KCND2: variants seen among roughly 807,000 people sequenced by gnomAD.
KCND2 encodes A-type voltage-gated potassium channel KCND2.
In KCND2, 16 loss-of-function variants were observed where a neutral mutation model predicts 54.4. The ratio of observed to expected loss-of-function variants is 0.29; its 90% CI spans 0.20 to 0.45. The LOEUF (loss-of-function observed/expected upper bound fraction) is 0.45. KCND2 is among the 20% of genes least tolerant of loss of function. The pLI is 1.00. For missense variants in KCND2, 486 were observed against 824.2 expected, an observed-to-expected ratio of 0.59 and a Z score of 5.02; for synonymous variants, 317 against 310.7, an observed-to-expected ratio of 1.02 and a Z score of -0.21.
Position 120,750,002 on chromosome 7 carries a change from G to T in KCND2, c.*2144G>T, listed in dbSNP as rs1286779967. The T allele has an allele frequency of 6.6e-6, 1 of 151,740 alleles. No individual in the cohort carries two copies. The highest frequency in any genetic ancestry group is 1.5e-5 in the Non-Finnish European group (1 of 67,806). The allele number at this position is 151,740 out of a possible 1,614,324, so 9.4% of individuals were successfully genotyped here. Reference sequence around the variant, plus strand: ...TTAGGTTATTTCAATTGACAATTCTGCCTCCTCTTTTGATTTATCACTTAC... The same window carrying T: ...TTAGGTTATTTCAATTGACAATTCTTCCTCCTCTTTTGATTTATCACTTAC... On this transcript the variant is annotated 3_prime_UTR_variant, in exon 6 of 6. Transcript: ENST00000331113.
intron 1 of KCND2, among the ~76,000 whole-genome samples, chr7:120,648,756 T>C (rs909845684): frequency 2.6e-5 from 4 of 152,234 alleles, no homozygotes; most frequent in African/African-American, 9.6e-5. Context: ...ACTATGAATC[T>C]AGTCAACTAC....
chr7:120,426,559 G>T lies in KCND2; in HGVS notation c.1115+150812G>T, dbSNP rs57315261. On this transcript the variant is annotated intron_variant, in intron 1 of 5. Transcript: ENST00000331113. ...CCCTTTGGAGACTGTTGTAAAAGCC[G>T]ATGTACGTTTTTTGTGGGGTTTTTC... is the stretch of plus-strand genomic sequence containing the variant. 1.4e-3 allele frequency among the ~76,000 whole-genome samples: 210 copies of T among 150,266 alleles called. 1 individual carries two copies. Among genetic ancestry groups the T allele is most frequent in the African/African-American group, 5.0e-3 (207 of 41,072 alleles).
At chr7:120,687,764 C>A (rs1255515692) in intron 1 of KCND2, among the ~76,000 whole-genome samples, 1 of 152,096 alleles carries the variant, frequency 6.6e-6, no homozygotes, top group Admixed American at 6.5e-5. Flanking sequence ...TAATACTAAT[C>A]AAACTAATAA....
intron 1 of KCND2, among the ~76,000 whole-genome samples, chr7:120,722,221 C>T (rs1017889253): frequency 6.6e-6 from 1 of 152,170 alleles, no homozygotes. Context: ...TCCAAGCTGG[C>T]CCTGTGCTTC....
chr7:120,294,869 C>A (rs1799486391), intron 1 of KCND2, among the ~76,000 whole-genome samples: 1 of 151,646 alleles, frequency 6.6e-6, no homozygotes, highest in Admixed American at 6.6e-5. Context: ...TGTACACATA[C>A]ATATGTGTGT....
chr7:120,285,071 AC>A (rs1799320765), intron 1 of KCND2, among the ~76,000 whole-genome samples: 1 of 152,138 alleles, frequency 6.6e-6, no homozygotes, highest in South Asian at 2.1e-4. Flanking sequence ...TTTTACTGTG[AC>A]CTTTTTGAGC....
At chr7:120,689,282 G>T (rs77806209) in intron 1 of KCND2, among the ~76,000 whole-genome samples, 12,215 of 152,100 alleles carry the variant, frequency 0.08, 896 homozygotes, top group East Asian at 0.42. Flanking sequence ...GGAAATAGTG[G>T]CATTGTTTTC....
chr7:120,375,902 A>C (rs1800829841), intron 1 of KCND2, among the ~76,000 whole-genome samples: 1 of 151,800 alleles, frequency 6.6e-6, no homozygotes, highest in Non-Finnish European at 1.5e-5. Flanking sequence ...GTGGGAAAAT[A>C]ATCCTATAAG....
intron 1 of KCND2, among the ~76,000 whole-genome samples, chr7:120,378,594 A>T (rs192516877): frequency 9.4e-4 from 143 of 152,106 alleles, no homozygotes; most frequent in Admixed American, 3.4e-3. Context: ...GATATTTGAG[A>T]TAATCGGTAT....
chr7:120,391,043 A>G (rs1430230907), intron 1 of KCND2, among the ~76,000 whole-genome samples: 1 of 151,896 alleles, frequency 6.6e-6, no homozygotes, highest in Non-Finnish European at 1.5e-5. Flanking sequence ...GATTAGGTAT[A>G]TGTCCTAAAG....
intron 1 of KCND2, among the ~76,000 whole-genome samples, chr7:120,584,076 C>G (rs1405977261): frequency 6.6e-6 from 1 of 152,120 alleles, no homozygotes; most frequent in Non-Finnish European, 1.5e-5. Context: ...TTTTTATTCC[C>G]TTGAGAAATT....
At chr7:120,619,007 GT>G (rs1793064807) in intron 1 of KCND2, among the ~76,000 whole-genome samples, 1 of 152,134 alleles carries the variant, frequency 6.6e-6, no homozygotes, top group African/African-American at 2.4e-5. Flanking sequence ...ACTTGCCTAA[GT>G]AATTCTAGAA....
At chr7:120,364,658 A>G (rs1800641506) in intron 1 of KCND2, among the ~76,000 whole-genome samples, 1 of 152,104 alleles carries the variant, frequency 6.6e-6, no homozygotes, top group African/African-American at 2.4e-5. Flanking sequence ...GACAGACATT[A>G]TCTAAGAGGA....
intron 1 of KCND2, among the ~76,000 whole-genome samples, chr7:120,519,228 G>T (rs1393880844): frequency 1.3e-5 from 2 of 151,986 alleles, no homozygotes; most frequent in African/African-American, 4.8e-5. Flanking sequence ...TGTAATCATA[G>T]CTACTTGGAG....
intron 1 of KCND2, among the ~76,000 whole-genome samples, chr7:120,571,179 G>A (rs1179463948): frequency 6.6e-6 from 1 of 152,138 alleles, no homozygotes; most frequent in Non-Finnish European, 1.5e-5. Flanking sequence ...CATGTCCCCA[G>A]ACATCTGTTC....
chr7:120,651,726 C>A (rs754010314), intron 1 of KCND2, among the ~76,000 whole-genome samples: 1 of 152,194 alleles, frequency 6.6e-6, no homozygotes, highest in South Asian at 2.1e-4. Context: ...GGGCTGTAGA[C>A]TGGAGCTGTT....
intron 1 of KCND2, among the ~76,000 whole-genome samples, chr7:120,557,401 A>AAATAAGAC (rs550815223): frequency 2.7e-4 from 41 of 152,288 alleles, no homozygotes; most frequent in Admixed American, 1.1e-3. Context: ...TAGATAGAAG[A>AAATAAGAC]AATAAGACCT....
intron 1 of KCND2, among the ~76,000 whole-genome samples, chr7:120,283,039 T>C (rs1391123857): frequency 6.6e-6 from 1 of 152,168 alleles, no homozygotes; most frequent in African/African-American, 2.4e-5. Context: ...CTATTTTGCA[T>C]AGGGGACAAA....
chr7:120,628,535 T>C (rs1793189404), intron 1 of KCND2, among the ~76,000 whole-genome samples: 1 of 152,198 alleles, frequency 6.6e-6, no homozygotes, highest in African/African-American at 2.4e-5. Context: ...TGATTGCTTC[T>C]CCATGTGAAT....
Sources: allele counts gnomAD v4.1 joint callset (sites outside exome capture counted in the v4.1 genomes callset), GRCh38; gene constraint gnomAD v4.1.1; transcripts MANE v1.5; gene names NCBI Gene and HGNC (gene_info 2026-07-23, HGNC 2026-07-21).